The following PPP3CA variants were observed in gnomAD, a reference collection of about 807,000 sequenced individuals.
The protein encoded by PPP3CA is CAM-PRP catalytic subunit.
A neutral mutation model predicts 66.5 loss-of-function variants in PPP3CA; 14 were observed. That is an observed-to-expected ratio of 0.21 (90% confidence interval 0.14 to 0.33). The LOEUF (loss-of-function observed/expected upper bound fraction) is 0.33. Among genes scored for constraint, PPP3CA ranks in the 10% least tolerant of loss-of-function variants. The pLI, the probability that PPP3CA is intolerant of heterozygous loss-of-function variation, is 1.00. For missense variants in PPP3CA, 317 were observed against 639.5 expected, an observed-to-expected ratio of 0.50 and a Z score of 5.44; for synonymous variants, 232 against 226.2, an observed-to-expected ratio of 1.03 and a Z score of -0.23.
chr4:101,039,008 A>T (rs1228480710), intron 11 of PPP3CA, among the ~76,000 whole-genome samples: 2 of 146,656 alleles, frequency 1.4e-5, no homozygotes, highest in African/African-American at 5.0e-5. Context: ...CAGACAGAAT[A>T]AGAAATAAAA....
chr4:101,052,406 G>T (rs979950949), intron 10 of PPP3CA, among the ~76,000 whole-genome samples: 2 of 151,896 alleles, frequency 1.3e-5, no homozygotes, highest in Non-Finnish European at 2.9e-5. Context: ...CTATAACAAG[G>T]TGTCTTCTTT....
intron 1 of PPP3CA, among the ~76,000 whole-genome samples, chr4:101,310,317 T>C (rs1327288448): frequency 6.6e-6 from 1 of 152,210 alleles, no homozygotes; most frequent in Non-Finnish European, 1.5e-5. Flanking sequence ...ATTATTAATG[T>C]AATCACACAA....
intron 8 of PPP3CA, among the ~76,000 whole-genome samples, chr4:101,072,490 C>T (rs1728959490): frequency 6.6e-6 from 1 of 152,100 alleles, no homozygotes; most frequent in East Asian, 1.9e-4. Context: ...TATGCAGTTC[C>T]TTTGTGCCCT....
At chr4:101,120,482 C>A (rs985752625) in intron 2 of PPP3CA, among the ~76,000 whole-genome samples, 2 of 151,802 alleles carry the variant, frequency 1.3e-5, no homozygotes, top group African/African-American at 4.8e-5. Flanking sequence ...CTGATATGGG[C>A]AAATCATTTT....
intron 10 of PPP3CA, among the ~76,000 whole-genome samples, chr4:101,054,559 GA>G (rs140825808): frequency 0.063 from 9,651 of 152,012 alleles, 348 homozygotes; most frequent in African/African-American, 0.093. Context: ...CATACCCTTA[GA>G]AAAGTATTCC....
At chr4:101,094,767 C>T (rs1327158411) in intron 5 of PPP3CA, among the ~76,000 whole-genome samples, 1 of 152,112 alleles carries the variant, frequency 6.6e-6, no homozygotes, top group South Asian at 2.1e-4. Context: ...CTGGAAATAA[C>T]ATATCACGAT....
chr4:101,106,216 G>A (rs1290934900), intron 3 of PPP3CA, among the ~76,000 whole-genome samples: 2 of 151,390 alleles, frequency 1.3e-5, no homozygotes, highest in African/African-American at 4.9e-5. Context: ...AGCTACTTGG[G>A]AGGCTAAGGC....
chr4:101,326,187 T>G (rs1031173746), intron 1 of PPP3CA, among the ~76,000 whole-genome samples: 2 of 152,140 alleles, frequency 1.3e-5, no homozygotes, highest in Admixed American at 6.5e-5. Context: ...CCATAAGTAA[T>G]CTATGGGATA....
chr4:101,322,726 A>T (rs929898048), intron 1 of PPP3CA, among the ~76,000 whole-genome samples: 3 of 152,124 alleles, frequency 2.0e-5, no homozygotes, highest in African/African-American at 7.2e-5. Flanking sequence ...TTACATCTTG[A>T]TCTAAAGATG....
At chr4:101,107,061 C>T (rs1161200833) in intron 3 of PPP3CA, among the ~76,000 whole-genome samples, 3 of 152,166 alleles carry the variant, frequency 2.0e-5, no homozygotes, top group Admixed American at 2.0e-4. Context: ...ATCAGTTAAG[C>T]TGGTCAGGCT....
chr4:101,174,689 G>A (rs1323759868), intron 2 of PPP3CA, among the ~76,000 whole-genome samples: 1 of 152,140 alleles, frequency 6.6e-6, no homozygotes, highest in Non-Finnish European at 1.5e-5. Context: ...AAAGTCTAAG[G>A]ACATGAAGTG....
rs192149767 is a variant in PPP3CA, at chr4:101,174,074, A to G, written c.259+21842T>C. On this transcript the variant is annotated intron_variant, in intron 2 of 13. Transcript: ENST00000394854. ...CTTAAAACAAATAAACAAACAAACA[A>G]ACACAAAAACTACGCCCCCCCCACC... Among the ~76,000 whole-genome samples the G allele has an allele frequency of 2.5e-4, 38 of 151,752 alleles. No homozygotes were observed. The East Asian group carries it at 7.1e-3, about 29-fold the overall frequency.
chr4:101,288,760 AT>A (rs1267346175), intron 1 of PPP3CA, among the ~76,000 whole-genome samples: 2 of 152,170 alleles, frequency 1.3e-5, no homozygotes, highest in Middle Eastern at 3.2e-3. Flanking sequence ...CTGTGTAAAT[AT>A]TTTAACTTTT....
At chr4:101,126,024 G>C (rs983961396) in intron 2 of PPP3CA, among the ~76,000 whole-genome samples, 1 of 152,128 alleles carries the variant, frequency 6.6e-6, no homozygotes, top group African/African-American at 2.4e-5. Context: ...AGATGTGCAG[G>C]TAAATTTATA....
chr4:101,086,099 T>C (rs1415405497), intron 6 of PPP3CA, among the ~76,000 whole-genome samples: 1 of 152,116 alleles, frequency 6.6e-6, no homozygotes. Flanking sequence ...TTATAAAAAA[T>C]ATTTTTAAAA....
chr4:101,117,369 A>T (rs1288135684), intron 2 of PPP3CA, among the ~76,000 whole-genome samples: 1 of 151,878 alleles, frequency 6.6e-6, no homozygotes, highest in Non-Finnish European at 1.5e-5. Context: ...GTACTATTGC[A>T]ATCAATAAAA....
At chr4:101,124,700 A>AGAAAG (rs1722150525) in intron 2 of PPP3CA, among the ~76,000 whole-genome samples, 1 of 102,732 alleles carries the variant, frequency 9.7e-6, no homozygotes, top group Non-Finnish European at 1.9e-5. Context: ...AAAGAAAGAA[A>AGAAAG]GAAAGAAAGA....
intron 1 of PPP3CA, among the ~76,000 whole-genome samples, chr4:101,273,946 A>C (rs184643332): frequency 9.7e-4 from 148 of 152,158 alleles, no homozygotes; most frequent in Non-Finnish European, 1.8e-3. Flanking sequence ...TAAAAAAAAA[A>C]CTAACAGCTG....
chr4:101,329,991 G>C (rs968491111), intron 1 of PPP3CA, among the ~76,000 whole-genome samples: 1 of 151,996 alleles, frequency 6.6e-6, no homozygotes, highest in African/African-American at 2.4e-5. Flanking sequence ...CTTTCAAATT[G>C]TACTATTTAA....
Sources: allele counts gnomAD v4.1 joint callset (sites outside exome capture counted in the v4.1 genomes callset), GRCh38; gene constraint gnomAD v4.1.1; transcripts MANE v1.5; gene names NCBI Gene and HGNC (gene_info 2026-07-23, HGNC 2026-07-21).